ADAMTS5: variants seen among roughly 807,000 people sequenced by gnomAD.
ADAMTS5 encodes A disintegrin and metalloproteinase with thrombospondin motifs 5.
A neutral mutation model predicts 81.4 loss-of-function variants in ADAMTS5; 54 were observed. That is an observed-to-expected ratio of 0.66 (90% CI 0.53 to 0.83). The LOEUF (loss-of-function observed/expected upper bound fraction) is 0.83, where lower values mean the gene tolerates loss of function less well. Among genes scored for constraint, ADAMTS5 ranks in the 40% least tolerant of loss-of-function variants. The pLI is 0.00. For missense variants in ADAMTS5, 1,194 were observed against 1,229.9 expected (o/e 0.97, Z 0.44); for synonymous variants, 532 against 508.8 (o/e 1.05, Z -0.61).
intron 2 of ADAMTS5, 34 bp downstream of exon 2, chr21:26,954,705 G>A: frequency 6.2e-7 from 1 of 1,608,398 alleles, no homozygotes; most frequent in South Asian, 1.1e-5. Context: ...ACAAGTGTTT[G>A]ATTTGGTGAG....
intron 1 of ADAMTS5, among the ~76,000 whole-genome samples, chr21:26,961,866 C>T (rs1319220822): frequency 6.6e-6 from 1 of 152,120 alleles, no homozygotes; most frequent in Non-Finnish European, 1.5e-5. Context: ...CTCCCTCTTC[C>T]AAACTTCTGG....
At position 26,965,825 on chromosome 21, in the gene ADAMTS5, G is replaced by C. The variant is rs1568856192; in HGVS notation, c.567C>G (p.Ile189Met). The change falls in exon 1 of 8, where the codon ATC becomes ATG. Residue 189 changes from isoleucine to methionine, a missense_variant. Around this residue, in one of 2 missense-constraint regions of ADAMTS5, gnomAD observed 498 missense variants for 412.3 expected, o/e 1.21. Coordinates refer to ENST00000284987, the MANE Select transcript of ADAMTS5 (RefSeq NM_007038.5). ...GRVYGDGSAR[I>M]LHVYTREGFS... ...AGCCCTCGCGGGTGTAGACGTGCAG[G>C]ATCCGTGCGGACCCATCCCCGTACA... is the stretch of plus-strand genomic sequence containing the variant. 2.5e-6 allele frequency: 4 copies of C among 1,610,792 alleles called. No individual in the cohort carries two copies. Among genetic ancestry groups the C allele is most frequent in the Non-Finnish European group, 3.4e-6 (4 of 1,178,904 alleles).
intron 1 of ADAMTS5, among the ~76,000 whole-genome samples, chr21:26,960,079 C>T (rs1255398696): frequency 6.6e-6 from 1 of 152,186 alleles, no homozygotes; most frequent in Admixed American, 6.5e-5. Flanking sequence ...ATATTTTGGC[C>T]TCTGAAGCTC....
intron 7 of ADAMTS5, among the ~76,000 whole-genome samples, chr21:26,927,851 G>T (rs1389305577): frequency 6.6e-6 from 1 of 151,804 alleles, no homozygotes; most frequent in Non-Finnish European, 1.5e-5. Context: ...ACGGTGGTGA[G>T]GGGCACCCAG....
At chr21:26,959,472 G>C (rs1455445581) in intron 1 of ADAMTS5, among the ~76,000 whole-genome samples, 2 of 152,080 alleles carry the variant, frequency 1.3e-5, no homozygotes, top group Non-Finnish European at 2.9e-5. Context: ...TAAACACTCA[G>C]AATCCTGAAC....
chr21:26,935,221 C>T (rs1484738414), intron 3 of ADAMTS5, among the ~76,000 whole-genome samples: 3 of 152,286 alleles, frequency 2.0e-5, no homozygotes, highest in African/African-American at 4.8e-5. Flanking sequence ...CTCACCCCTT[C>T]CCCATGTGCC....
rs974199157 is a variant in ADAMTS5 at position 26,966,362 on chromosome 21, C to G, written c.30G>C (p.Leu10=). Residue 10 remains leucine (L), a synonymous_variant, in exon 1 of 8, where the codon CTG becomes CTC. Coordinates refer to ENST00000284987, the MANE Select transcript of ADAMTS5 (RefSeq NM_007038.5). MLLGWASLL[L]CAFRLPLAAV... ...CGGCCAGGGGCAGGCGGAACGCGCACAGCAGCAGGGACGCCCACCCGAGCA... is the reference window on the plus strand; with the variant it reads ...CGGCCAGGGGCAGGCGGAACGCGCAGAGCAGCAGGGACGCCCACCCGAGCA... 1.3e-5 allele frequency: 20 copies of G among 1,498,510 alleles called. No individual in the cohort carries two copies. The highest frequency in any genetic ancestry group is 1.8e-5 in the Non-Finnish European group (20 of 1,133,004). 92.8% of individuals were successfully genotyped at this position (1,498,510 alleles called of 1,614,324 possible). A position where few individuals can be genotyped will look rare whatever the true frequency, so the allele number is the denominator to read the frequency against.
chr21:26,933,320 T>C (rs1320379801), intron 4 of ADAMTS5, among the ~76,000 whole-genome samples: 1 of 152,220 alleles, frequency 6.6e-6, no homozygotes, highest in Non-Finnish European at 1.5e-5. Context: ...TTTTGGTTTC[T>C]ACGGACCATT....
intron 2 of ADAMTS5, among the ~76,000 whole-genome samples, chr21:26,951,679 CAAAAAAAAAAAAAAAAAAAAAAAAAAAA>C (rs58060427): frequency 1.3e-4 from 6 of 46,628 alleles, no homozygotes; most frequent in African/African-American, 4.4e-4. Context: ...CCCTCCATCT[CAAAAAAAAAAAAAAAAAAAAAAAAAAAA>C]AAAAAAAAAA....
At chr21:26,943,201 C>T (rs900210885) in intron 3 of ADAMTS5, among the ~76,000 whole-genome samples, 179 bp downstream of exon 3, 2 of 152,168 alleles carry the variant, frequency 1.3e-5, no homozygotes, top group African/African-American at 4.8e-5. Context: ...TAAAATGCCA[C>T]CAAGGACGTT....
At chr21:26,942,689 A>G (rs1482919782) in intron 3 of ADAMTS5, among the ~76,000 whole-genome samples, 2 of 152,178 alleles carry the variant, frequency 1.3e-5, no homozygotes, top group African/African-American at 2.4e-5. Context: ...CAGTATTTCA[A>G]TGTAATTTAC....
intron 1 of ADAMTS5, among the ~76,000 whole-genome samples, chr21:26,963,521 A>T (rs72635026): frequency 0.13 from 19,897 of 151,344 alleles, 1,492 homozygotes; most frequent in East Asian, 0.27. Flanking sequence ...GTATGCTTAC[A>T]AAAGTATTTC....
At chr21:26,955,180 C>T (rs1214214172) in intron 1 of ADAMTS5, among the ~76,000 whole-genome samples, 1 of 152,146 alleles carries the variant, frequency 6.6e-6, no homozygotes, top group Admixed American at 6.6e-5. Flanking sequence ...GATCACCTTC[C>T]CATATGGTCA....
chr21:26,960,311 G>A (rs979267952), intron 1 of ADAMTS5, among the ~76,000 whole-genome samples: 1 of 152,162 alleles, frequency 6.6e-6, no homozygotes. Flanking sequence ...GATCATTGCT[G>A]TCTTCCTACT....
At chr21:26,955,162 AC>A in intron 1 of ADAMTS5, among the ~76,000 whole-genome samples, 1 of 152,202 alleles carries the variant, frequency 6.6e-6, no homozygotes, top group African/African-American at 2.4e-5. Flanking sequence ...TAATGCAGAT[AC>A]GTCTCTGATC....
rs746110680 is a variant in ADAMTS5, at chr21:26,965,760, G to C, written c.632C>G (p.Thr211Ser). Reference protein sequence around the residue: ...EALPPRASCETPASTPEAHEH... With the variant: ...EALPPRASCESPASTPEAHEH... ...GTGGGCCTCCGGTGTGGACGCGGGG[G>C]TTTCGCAGCTGGCGCGCGGCGGCAG... The change falls in exon 1 of 8, where the codon ACC becomes AGC. Residue 211 changes from threonine to serine, a missense_variant. Physicochemically the swap from Thr to Ser is moderately conservative, Grantham distance 58 (BLOSUM62 1). Coordinates refer to ENST00000284987, the MANE Select transcript of ADAMTS5 (RefSeq NM_007038.5). 6.2e-7 allele frequency: 1 copy of C among 1,600,118 alleles called. No individual in the cohort carries two copies. Among genetic ancestry groups the C allele is most frequent in the African/African-American group, 1.3e-5 (1 of 74,624 alleles).
At chr21:26,924,655 G>A (rs775046908) in intron 7 of ADAMTS5, 35 bp from the exon 8 acceptor site, 3 of 1,518,628 alleles carry the variant, frequency 2.0e-6, no homozygotes, top group South Asian at 1.3e-5. Context: ...AGTGGGGGAA[G>A]GTGGTTAAAA....
At chr21:26,932,261 A>G in intron 5 of ADAMTS5, 82 bp from the exon 6 acceptor site, 1 of 1,451,278 alleles carries the variant, frequency 6.9e-7, no homozygotes, top group East Asian at 2.3e-5. Flanking sequence ...AGTTAATTTT[A>G]AGGGGAAGAT....
chr21:26,966,419 G>A lies in ADAMTS5; in HGVS notation c.-28C>T, dbSNP rs1987676441. On this transcript the variant is annotated 5_prime_UTR_variant, in exon 1 of 8. Transcript: ENST00000284987. ...TGCGCTGCCCGCGGGGAGGGGCTGC[G>A]CGACTGGGACTTTATGGGTATTTGT... 1 of 1,418,892 alleles carries A rather than the reference G, an allele frequency of 7.0e-7. No homozygotes were observed. The highest frequency in any genetic ancestry group is 2.8e-5 in the East Asian group (1 of 35,260). The allele number at this position is 1,418,892 out of a possible 1,614,324, so 87.9% of individuals were successfully genotyped here.
Sources: allele counts gnomAD v4.1 joint callset (sites outside exome capture counted in the v4.1 genomes callset), GRCh38; gene constraint gnomAD v4.1.1; regional missense constraint gnomAD v4.1.1; transcripts MANE v1.5; gene names NCBI Gene and HGNC (gene_info 2026-07-23, HGNC 2026-07-21).